The following CCDC157 variants were observed in gnomAD, a reference collection of about 807,000 sequenced individuals.
The protein encoded by CCDC157 is coiled-coil domain containing 157.
A neutral mutation model predicts 70.9 loss-of-function variants in CCDC157; 60 were observed. That is an observed-to-expected ratio of 0.85 (90% CI 0.69 to 1.05). The LOEUF is 1.05. CCDC157 is among the 50% of genes least tolerant of loss of function. The pLI, the probability that CCDC157 is intolerant of heterozygous loss-of-function variation, is 0.00. For synonymous variants in CCDC157, 373 were observed against 422.4 expected (o/e 0.88, Z 1.43); for missense variants, 943 against 984.2 (o/e 0.96, Z 0.56).
chr22:30,366,368 G>C (rs1371112554), intron 3 of CCDC157, 120 bp downstream of exon 3: 2 of 1,248,612 alleles, frequency 1.6e-6, no homozygotes, highest in African/African-American at 1.5e-5. Flanking sequence ...TCACCATTGA[G>C]TACCTGTCGG....
chr22:30,373,260 G>C, intron 7 of CCDC157: 1 of 275,100 alleles, frequency 3.6e-6, no homozygotes. Flanking sequence ...CCGAGGAGAA[G>C]AAAAACTTAG....
rs543927069 is a variant in CCDC157 at position 30,371,943 on chromosome 22, G to A, written c.1124-132G>A. ...CTTCTATTTTCCAAACCCACCTCAG[G>A]TGGGGTCTAGAGCCCCATTTTGTGG... On this transcript the variant is annotated intron_variant, in intron 6 of 11. Coordinates refer to ENST00000338306, the MANE Select transcript of CCDC157 (RefSeq NM_001017437.5). The A allele has an allele frequency of 6.6e-6, 5 of 761,634 alleles. No individual in the cohort carries two copies. The Admixed American group carries it at 1.1e-4, about 17-fold the overall frequency. The allele number at this position is 761,634 out of a possible 1,614,324, so 47.2% of individuals were successfully genotyped here. A position where few individuals can be genotyped will look rare whatever the true frequency, so the allele number is the denominator to read the frequency against.
upstream of CCDC157, chr22:30,356,691 A>G: frequency 2.8e-6 from 4 of 1,429,518 alleles, no homozygotes; most frequent in Non-Finnish European, 3.7e-6. Flanking sequence ...CGCCCAGGCC[A>G]ACCCTCCGGC....
chr22:30,369,941 G>GGT (rs1932862166), intron 4 of CCDC157: 2 of 460,076 alleles, frequency 4.3e-6, no homozygotes, highest in South Asian at 6.7e-5. Context: ...CCACCCACTG[G>GGT]GGAAGAACCA....
chr22:30,374,902 AC>A (rs1047928685), intron 9 of CCDC157: 25 of 263,894 alleles, frequency 9.5e-5, no homozygotes, highest in African/African-American at 1.8e-4. Flanking sequence ...CCTGTCCAAA[AC>A]GGGGGGGCCT....
intron 9 of CCDC157, 93 bp from the exon 10 acceptor site, chr22:30,375,386 A>C: frequency 8.6e-7 from 1 of 1,156,696 alleles, no homozygotes; most frequent in Non-Finnish European, 1.3e-6. Context: ...ATGAGCTAGG[A>C]GGCCTGGTGC....
In CCDC157 at chr22:30,373,984, G is replaced by A. The variant is rs536316661; in HGVS notation, c.1565G>A (p.Arg522Gln). The change falls in exon 9 of 12, where the codon CGG (arginine) becomes CAG (glutamine). Residue 522 changes from arginine (R) to glutamine (Q), a missense_variant. Coordinates refer to ENST00000338306, the MANE Select transcript of CCDC157 (RefSeq NM_001017437.5). Reference protein sequence around the residue: ...QGLEQATTDLRLTILELEREL... With the variant: ...QGLEQATTDLQLTILELEREL... ...CTGGAGCAGGCGACTACGGACCTGC[G>A]GCTAACCATCCTGGAGCTAGAACGG... The A allele has an allele frequency of 1.7e-4, 269 of 1,612,918 alleles. 1 individual carries two copies. Among genetic ancestry groups the A allele is most frequent in the South Asian group, 1.6e-3 (144 of 90,718 alleles).
At chr22:30,374,957 T>G (rs1355772450) in intron 9 of CCDC157, 1 of 14,400 alleles carries the variant, frequency 6.9e-5, no homozygotes, top group East Asian at 2.6e-3. Flanking sequence ...GCTAAGTCTT[T>G]TTTTTTTTTT....
Position 30,369,478 on chromosome 22 carries a change from G to C in CCDC157, c.295G>C (p.Gly99Arg). 6.3e-7 allele frequency: 1 copy of C among 1,578,898 alleles called. No homozygotes were observed. The highest frequency in any genetic ancestry group is 8.6e-7 in the Non-Finnish European group (1 of 1,160,928). Residue 99 changes from glycine (G) to arginine (R), a missense_variant, in exon 4 of 12, where the codon GGC becomes CGC. Coordinates refer to ENST00000338306, the MANE Select transcript of CCDC157 (RefSeq NM_001017437.5). ...QSCMSYLENL[G>R]SEQMMPPAQA... ...CTGTATGAGCTACTTGGAGAACCTT[G>C]GCTCAGAGCAGATGATGCCCCCTGC...
At chr22:30,363,312 G>A (rs1412966894) in intron 2 of CCDC157, among the ~76,000 whole-genome samples, 1 of 152,186 alleles carries the variant, frequency 6.6e-6, no homozygotes, top group Non-Finnish European at 1.5e-5. Context: ...AGGGGAACTG[G>A]GGAAGAACGG....
intron 2 of CCDC157, among the ~76,000 whole-genome samples, chr22:30,363,572 T>A (rs1169553698): frequency 6.6e-6 from 1 of 151,942 alleles, no homozygotes; most frequent in Admixed American, 6.6e-5. Flanking sequence ...GGATTCTCTG[T>A]ATAAAAACGT....
chr22:30,371,991 A>G (rs1672000807), intron 6 of CCDC157, 84 bp from the exon 7 acceptor site: 1 of 944,876 alleles, frequency 1.1e-6, no homozygotes. Flanking sequence ...AGGCCCAGAG[A>G]TGGGATGTGA....
chr22:30,371,983 G>A lies in CCDC157; in HGVS notation c.1124-92G>A, dbSNP rs1601739411. 19 of 906,518 alleles carry A rather than the reference G, an allele frequency of 2.1e-5. No individual in the cohort carries two copies. The East Asian group carries it at 5.0e-4, about 24-fold the overall frequency. 56.2% of individuals were successfully genotyped at this position (906,518 alleles called of 1,614,324 possible). A position where few individuals can be genotyped will look rare whatever the true frequency, so the allele number is the denominator to read the frequency against. On this transcript the variant is annotated intron_variant, in intron 6 of 11. Coordinates refer to ENST00000338306, the MANE Select transcript of CCDC157 (RefSeq NM_001017437.5). ...CCATTTTGTGGCTGAGGACTCTGAG[G>A]CCCAGAGATGGGATGTGAGCTCCCG...
At chr22:30,363,683 CTTTT>C (rs55722661) in intron 2 of CCDC157, among the ~76,000 whole-genome samples, 69 of 114,620 alleles carry the variant, frequency 6.0e-4, no homozygotes, top group East Asian at 2.8e-3. Flanking sequence ...GAATGTTTCT[CTTTT>C]TTTTTTTTTT....
chr22:30,372,341 G>C, intron 7 of CCDC157, 55 bp downstream of exon 7: 2 of 1,458,198 alleles, frequency 1.4e-6, no homozygotes, highest in Admixed American at 2.6e-5. Context: ...TGCAGGGAAA[G>C]AGGGCTCCAC....
In CCDC157 at chr22:30,372,167, G is replaced by A; in HGVS notation, c.1216G>A (p.Glu406Lys). 1 of 1,573,164 alleles carries A rather than the reference G, an allele frequency of 6.4e-7. No individual in the cohort carries two copies. Among genetic ancestry groups the A allele is most frequent in the Admixed American group, 1.9e-5 (1 of 52,398 alleles). ...QQLEEQVQQL[E>K]AQVQLLVGRL... is the part of the protein sequence containing the mutation. ...GCTGGAGGAGCAGGTGCAGCAGTTG[G>A]AGGCGCAGGTGCAGCTGTTGGTGGG... is the stretch of plus-strand genomic sequence containing the variant. Residue 406 changes from glutamate (E) to lysine (K), a missense_variant, in exon 7 of 12, where the codon GAG becomes AAG. Glu to Lys is a moderately conservative substitution (Grantham distance 56). Transcript: ENST00000338306.
intron 3 of CCDC157, chr22:30,366,620 C>G (rs1022065053): frequency 3.2e-6 from 1 of 316,220 alleles, no homozygotes; most frequent in Non-Finnish European, 6.5e-6. Flanking sequence ...ATTCCGGGCT[C>G]TCTTTCCTGT....
intron 2 of CCDC157, among the ~76,000 whole-genome samples, chr22:30,364,030 C>T (rs983043447): frequency 1.5e-4 from 23 of 152,142 alleles, no homozygotes; most frequent in African/African-American, 5.1e-4. Flanking sequence ...GTGGTTCTCA[C>T]CTGTAATCCC....
At chr22:30,369,367 TTG>T in intron 3 of CCDC157, 63 bp from the exon 4 acceptor site, 3 of 1,331,204 alleles carry the variant, frequency 2.3e-6, no homozygotes, top group Non-Finnish European at 3.0e-6. Flanking sequence ...AGAGCTGCGG[TTG>T]TATGGTCTGA....
Sources: gnomAD v4.1 joint callset for allele counts (sites outside exome capture counted in the v4.1 genomes callset) on GRCh38, gnomAD v4.1.1 for gene constraint, MANE v1.5 for transcripts, NCBI Gene and HGNC (gene_info 2026-07-23, HGNC 2026-07-21) for gene names.